The following ARAP3 variants were observed in gnomAD, a reference collection of about 807,000 sequenced individuals.
ARAP3 encodes the protein arf-GAP with Rho-GAP domain, ANK repeat and PH domain-containing protein 3.
In ARAP3, 82 loss-of-function variants were observed where a neutral mutation model predicts 169.2. That is an observed-to-expected ratio of 0.48 (90% CI 0.41 to 0.58). The LOEUF (loss-of-function observed/expected upper bound fraction) is 0.58. Among genes scored for constraint, ARAP3 ranks in the 20% least tolerant of loss-of-function variants. The pLI is 0.00. For missense variants in ARAP3, 1,764 were observed against 2,018.0 expected, an observed-to-expected ratio of 0.87 and a Z score of 2.41; for synonymous variants, 791 against 800.3, an observed-to-expected ratio of 0.99 and a Z score of 0.20.
Position 141,679,556 on chromosome 5 carries a change from CCTG to C in ARAP3, c.684_686del (p.Arg229del), listed in dbSNP as rs777873274. 47 of 1,614,132 alleles carry C rather than the reference CCTG, an allele frequency of 2.9e-5. No individual in the cohort carries two copies. The South Asian group carries it at 5.2e-4, about 18-fold the overall frequency. On this transcript the variant is annotated inframe_deletion, in exon 4 of 33. Transcript: ENST00000239440. ...TATTTAGTACTCACCTGTGTTCAGC[CCTG>C]CCCTGACAAACACCTCTGCTCTCTC...
rs749582569 is a variant in ARAP3, at chr5:141,666,514, G to A, written c.2482C>T (p.Arg828Cys). The A allele has an allele frequency of 3.7e-6, 6 of 1,604,200 alleles. No individual in the cohort carries two copies. The highest frequency in any genetic ancestry group is 1.7e-5 in the Admixed American group (1 of 58,594). The change falls in exon 17 of 33, where the codon CGT (arginine) becomes TGT (cysteine). Residue 828 changes from arginine (R) to cysteine (C), a missense_variant. Coordinates refer to ENST00000239440, the MANE Select transcript of ARAP3 (RefSeq NM_022481.6). ...GLWLSGFGLL[R>C]GDHLFLCSAP... ...GAGCACAGGAAGAGGTGGTCACCAC[G>A]AAGGAGGCCAAACCCTGACAGCCAG...
At position 141,666,450 on chromosome 5, in the gene ARAP3, A is replaced by G; in HGVS notation, c.2546T>C (p.Val849Ala). The G allele has an allele frequency of 6.3e-7, 1 of 1,592,154 alleles. No individual in the cohort carries two copies. The highest frequency in any genetic ancestry group is 8.6e-7 in the Non-Finnish European group (1 of 1,169,070). ...GATCTCCTGTAGCCGCCGCAGATGCACCATGTCCTCAGGGGCTGGGGGGCC... is the reference window on the plus strand; with the variant it reads ...GATCTCCTGTAGCCGCCGCAGATGCGCCATGTCCTCAGGGGCTGGGGGGCC... Reference protein sequence around the residue: ...GPGPPAPEDMVHLRRLQEISV... With the variant: ...GPGPPAPEDMAHLRRLQEISV... The change falls in exon 17 of 33, where the codon GTG (valine) becomes GCG (alanine). Residue 849 changes from valine (V) to alanine (A), a missense_variant. By Grantham distance (64) the Val-to-Ala change is moderately conservative (BLOSUM62 0). This residue lies in a region of ARAP3 where 1,112 missense variants were observed against 1,285.7 expected (regional missense o/e 0.86). Transcript: ENST00000239440.
intron 16 of ARAP3, 109 bp downstream of exon 16, chr5:141,669,600 C>T (rs977654825): frequency 1.8e-5 from 19 of 1,035,932 alleles, no homozygotes; most frequent in Non-Finnish European, 2.7e-5. Flanking sequence ...GCTCAGTCAC[C>T]CTTAGCTGTT....
intron 31 of ARAP3, 62 bp downstream of exon 31, chr5:141,655,559 T>C: frequency 1.2e-6 from 2 of 1,611,982 alleles, no homozygotes; most frequent in East Asian, 4.5e-5. Context: ...CACCACTGCC[T>C]ACTGCAATGT....
intron 32 of ARAP3, 137 bp downstream of exon 32, chr5:141,655,225 T>TACACACACAC (rs148481472): frequency 0.029 from 14,313 of 489,256 alleles, 207 homozygotes; most frequent in South Asian, 0.07. Flanking sequence ...CCTGATGGCC[T>TACACACACAC]ACACACACAC....
Position 141,666,443 on chromosome 5 carries a change from C to T in ARAP3, c.2553G>A (p.Leu851=). 2 of 1,588,674 alleles carry T rather than the reference C, an allele frequency of 1.3e-6. No homozygotes were observed. The highest frequency in any genetic ancestry group is 1.7e-6 in the Non-Finnish European group (2 of 1,167,164). The part of the protein sequence containing the change: ...GPPAPEDMVH[L]RRLQEISVVS... Reference sequence around the variant, plus strand: ...GCTTACTGATCTCCTGTAGCCGCCGCAGATGCACCATGTCCTCAGGGGCTG... The same window carrying T: ...GCTTACTGATCTCCTGTAGCCGCCGTAGATGCACCATGTCCTCAGGGGCTG... The change falls in exon 17 of 33, where the codon CTG becomes CTA. Residue 851 remains leucine, a synonymous_variant. Coordinates refer to ENST00000239440, the MANE Select transcript of ARAP3 (RefSeq NM_022481.6).
At chr5:141,663,340 C>T (rs1308878969) in intron 19 of ARAP3, among the ~76,000 whole-genome samples, 1 of 152,146 alleles carries the variant, frequency 6.6e-6, no homozygotes, top group African/African-American at 2.4e-5. Flanking sequence ...CTCTTTCACC[C>T]GGGGTGGAGT....
intron 32 of ARAP3, 100 bp downstream of exon 32, chr5:141,655,262 C>CA: frequency 3.0e-6 from 3 of 1,005,194 alleles, no homozygotes; most frequent in Non-Finnish European, 2.8e-6. Flanking sequence ...ACACACACCC[C>CA]CTGATGGCCT....
In ARAP3 at chr5:141,669,945, G is replaced by A; in HGVS notation, c.2226C>T (p.Pro742=). The A allele has an allele frequency of 1.2e-6, 2 of 1,600,888 alleles. No homozygotes were observed. The highest frequency in any genetic ancestry group is 1.7e-6 in the Non-Finnish European group (2 of 1,173,494). The stretch of plus-strand genomic sequence containing the variant: ...ACCTGTCACCTGGGTCAGTGGGTGG[G>A]GGGCTCACACCCAGACATACAATAT... The part of the protein sequence containing the change: ...PQDIVCLGVS[P]PPTDPGDRFP... Residue 742 remains proline, a synonymous_variant, in exon 15 of 33, where the codon CCC becomes CCT. Coordinates refer to ENST00000239440, the MANE Select transcript of ARAP3 (RefSeq NM_022481.6).
rs551631039 is a variant in ARAP3 at position 141,676,969 on chromosome 5, C to T, written c.698+2576G>A. ...AACTGCACTCCTAATCTACCCTCTC[C>T]TCCCAGCTGCCTGAACACAGTCTTC... On this transcript the variant is annotated intron_variant, in intron 4 of 32. Transcript: ENST00000239440. 8.1e-4 allele frequency among the ~76,000 whole-genome samples: 124 copies of T among 152,312 alleles called. 1 individual carries two copies. The highest frequency in any genetic ancestry group is 2.8e-3 in the African/African-American group (117 of 41,570).
At chr5:141,667,431 C>A (rs1194498406) in intron 16 of ARAP3, among the ~76,000 whole-genome samples, 2 of 144,626 alleles carry the variant, frequency 1.4e-5, no homozygotes, top group Non-Finnish European at 3.0e-5. Flanking sequence ...AGTGTACTTT[C>A]TTTCTTTTTT....
Position 141,665,062 on chromosome 5 carries a change from C to T in ARAP3, c.2660G>A (p.Gly887Asp). The T allele has an allele frequency of 6.2e-7, 1 of 1,613,270 alleles. No homozygotes were observed. The highest frequency in any genetic ancestry group is 8.5e-7 in the Non-Finnish European group (1 of 1,179,602). The change falls in exon 19 of 33, where the codon GGC becomes GAC. Residue 887 changes from glycine to aspartate, a missense_variant. By Grantham distance (94) the Gly-to-Asp change is moderately conservative. Transcript: ENST00000239440. ...GTTCCATGCCGTGAAGTCCAGCCGG[C>T]CCTCTCCTTGCAGATACAGGGTCCT... ...TGRTLYLQGE[G>D]RLDFTAWNAA...
rs994589251 is a variant in ARAP3 at position 141,671,084 on chromosome 5, CCATGACCGTCATCAGCTATCA to C, written c.1990+160_1990+180del. On this transcript the variant is annotated intron_variant, in intron 13 of 32. Transcript: ENST00000239440. This position sits in a 1 kb window ranked among gnomAD's most constrained non-coding sequence, Gnocchi z 4.9. ...CCTGGAACACCCAGACCCTCCCCAG[CCATGACCGTCATCAGCTATCA>C]CATGACATCAGGAGATAGGCCCTGG... Among the ~76,000 whole-genome samples, 7 of 152,232 alleles carry C rather than the reference CCATGACCGTCATCAGCTATCA, an allele frequency of 4.6e-5. No homozygotes were observed. The highest frequency in any genetic ancestry group is 1.7e-4 in the African/African-American group (7 of 41,444).
At position 141,675,161 on chromosome 5, in the gene ARAP3, C is replaced by A. The variant is rs117558141; in HGVS notation, c.699-1353G>T. On this transcript the variant is annotated intron_variant, in intron 4 of 32. Transcript: ENST00000239440. ...TACCTAGAACTTGCCGCCTTCCATG[C>A]TTCCCTGGGCTGCTTTTTCTCATCC... Among the ~76,000 whole-genome samples the A allele has an allele frequency of 4.1e-4, 62 of 152,322 alleles. No homozygotes were observed. In the East Asian group the frequency reaches 0.012, roughly 29 times the overall value.
Position 141,663,162 on chromosome 5 carries a change from TTCCTAGGACCC to T in ARAP3, c.2801-918_2801-908del, listed in dbSNP as rs531686989. ...CCTAAGAGATGGGTAATAAATAAGC[TTCCTAGGACCC>T]TCCTAGGACCCACCCTGCTTACTGC... On this transcript the variant is annotated intron_variant, in intron 19 of 32. Transcript: ENST00000239440. Among the ~76,000 whole-genome samples, 27 of 152,234 alleles carry T rather than the reference TTCCTAGGACCC, an allele frequency of 1.8e-4. No individual in the cohort carries two copies. In the South Asian group the frequency reaches 3.7e-3, roughly 21 times the overall value.
chr5:141,656,493 C>G lies in ARAP3; in HGVS notation c.3789+11G>C. On this transcript the variant is annotated intron_variant, in intron 27 of 32. Transcript: ENST00000239440. The stretch of plus-strand genomic sequence containing the variant: ...ACCCAGCATCCCACACCTCTGGCCC[C>G]AGGGCCTCACTTTCTTCTCCTTGAG... 1 of 1,609,770 alleles carries G rather than the reference C, an allele frequency of 6.2e-7. No homozygotes were observed. The highest frequency in any genetic ancestry group is 8.5e-7 in the Non-Finnish European group (1 of 1,178,036).
intron 16 of ARAP3, among the ~76,000 whole-genome samples, chr5:141,667,106 G>A (rs1343312501): frequency 6.6e-6 from 1 of 151,894 alleles, no homozygotes; most frequent in African/African-American, 2.4e-5. Context: ...TAGAGATAGG[G>A]TTTTGCCATG....
Position 141,661,701 on chromosome 5 carries a change from G to A in ARAP3, c.3102C>T (p.Leu1034=), listed in dbSNP as rs1257890156. The A allele has an allele frequency of 6.2e-7, 1 of 1,614,240 alleles. No individual in the cohort carries two copies. Among genetic ancestry groups the A allele is most frequent in the Non-Finnish European group, 8.5e-7 (1 of 1,180,040 alleles). The change falls in exon 21 of 33, where the codon CTC becomes CTT. Residue 1034 remains leucine (L), a synonymous_variant. Coordinates refer to ENST00000239440, the MANE Select transcript of ARAP3 (RefSeq NM_022481.6). ...PRVNRRTLAT[L]IGHLYRVQKC... Reference sequence around the variant, plus strand: ...ATACTGACCGATAGAGATGCCCAATGAGGGTGGCCAGTGTGCGGCGGTTGA... The same window carrying A: ...ATACTGACCGATAGAGATGCCCAATAAGGGTGGCCAGTGTGCGGCGGTTGA...
intron 23 of ARAP3, 124 bp from the exon 24 acceptor site, chr5:141,658,777 G>C: frequency 6.2e-6 from 5 of 807,514 alleles, no homozygotes; most frequent in South Asian, 3.9e-5. Context: ...CAACCCCAAT[G>C]TCACTCAGGC....
Sources: gnomAD v4.1 joint callset for allele counts (sites outside exome capture counted in the v4.1 genomes callset) on GRCh38, gnomAD v4.1.1 for gene constraint, gnomAD v4.1.1 regional missense constraint, Gnocchi (gnomAD v3.1) non-coding constraint, MANE v1.5 for transcripts, NCBI Gene and HGNC (gene_info 2026-07-23, HGNC 2026-07-21) for gene names.